The following BCAS3 variants were observed in gnomAD, a reference collection of about 807,000 sequenced individuals.
The protein encoded by BCAS3 is BCAS3 microtubule associated cell migration factor.
BCAS3 carries 53 observed loss-of-function variants against 116.1 expected under a neutral mutation model. The ratio of observed to expected loss-of-function variants is 0.46; its 90% confidence interval spans 0.37 to 0.57. BCAS3 has a LOEUF of 0.57. Among genes scored for constraint, BCAS3 ranks in the 20% least tolerant of loss-of-function variants. The pLI is 0.00. For synonymous variants in BCAS3, 391 were observed against 408.2 expected (o/e 0.96, Z 0.51); for missense variants, 917 against 1,165.4 (o/e 0.79, Z 3.10).
In BCAS3 at chr17:61,265,136, A is replaced by T. The variant is rs1453517347; in HGVS notation, c.2426-103191A>T. 6.6e-6 allele frequency among the ~76,000 whole-genome samples: 1 copy of T among 152,202 alleles called. No homozygotes were observed. Among genetic ancestry groups the T allele is most frequent in the Non-Finnish European group, 1.5e-5 (1 of 68,018 alleles). On this transcript the variant is annotated intron_variant, in intron 22 of 23. Coordinates refer to ENST00000407086, the MANE Select transcript of BCAS3 (RefSeq NM_017679.5). This position sits in a 1 kb window ranked among gnomAD's most constrained non-coding sequence, Gnocchi z 4.3. ...TATATAAGAAAGCACAATACCAGCC[A>T]GGCGCAATGGCTCATGTCTGTAATC...
At chr17:61,058,243 A>G (rs750440911) in intron 19 of BCAS3, among the ~76,000 whole-genome samples, 44 of 152,184 alleles carry the variant, frequency 2.9e-4, no homozygotes, top group Non-Finnish European at 4.1e-4. Context: ...TATTGTTGTC[A>G]TAGGATAGGA....
chr17:60,920,595 G>A (rs1349824136), intron 12 of BCAS3, among the ~76,000 whole-genome samples: 2 of 152,162 alleles, frequency 1.3e-5, no homozygotes, highest in Non-Finnish European at 1.5e-5. Context: ...AACTGGCTGG[G>A]CCTGGTGGCT....
In BCAS3 at chr17:61,377,622, AG is replaced by A. The variant is rs2059399247; in HGVS notation, c.2593+9129del. 6.6e-6 allele frequency among the ~76,000 whole-genome samples: 1 copy of A among 151,932 alleles called. No individual in the cohort carries two copies. The highest frequency in any genetic ancestry group is 2.4e-5 in the African/African-American group (1 of 41,324). On this transcript the variant is annotated intron_variant, in intron 23 of 23. Transcript: ENST00000407086. The surrounding 1 kb of genome is among the most constrained non-coding windows in gnomAD (Gnocchi z 4.6). ...TCTGTGACACAGTGTGGGGAGGAGG[AG>A]CTAGTAAATGTAGTAATCGTTGGCC...
intron 22 of BCAS3, among the ~76,000 whole-genome samples, chr17:61,170,948 G>A (rs962575169): frequency 1.3e-5 from 2 of 152,172 alleles, no homozygotes; most frequent in African/African-American, 4.8e-5. Flanking sequence ...AAGATCAGAG[G>A]GAACATTCGC....
chr17:60,769,688 T>C (rs993340770), intron 6 of BCAS3, among the ~76,000 whole-genome samples: 1 of 152,176 alleles, frequency 6.6e-6, no homozygotes, highest in Non-Finnish European at 1.5e-5. Context: ...CCTTGGCGTG[T>C]GTGAAGGTGC....
intron 12 of BCAS3, among the ~76,000 whole-genome samples, chr17:60,919,565 T>C (rs1191002894): frequency 2.0e-5 from 3 of 152,006 alleles, no homozygotes; most frequent in Non-Finnish European, 2.9e-5. Flanking sequence ...GCTCGTGATC[T>C]ACCCGCCTTG....
At chr17:61,111,807 A>T (rs943302748) in intron 22 of BCAS3, among the ~76,000 whole-genome samples, 1 of 116,012 alleles carries the variant, frequency 8.6e-6, no homozygotes, top group Non-Finnish European at 1.8e-5. Flanking sequence ...AGTTGAAATG[A>T]AGGAAAAAAT....
At chr17:60,843,102 AT>A (rs72215944) in intron 7 of BCAS3, among the ~76,000 whole-genome samples, 1 of 150,496 alleles carries the variant, frequency 6.6e-6, no homozygotes, top group African/African-American at 2.4e-5. Context: ...TTTATTTTTT[AT>A]TTTTTTGTTA....
intron 22 of BCAS3, among the ~76,000 whole-genome samples, chr17:61,176,070 GGA>G (rs2079112674): frequency 6.7e-6 from 1 of 148,768 alleles, no homozygotes; most frequent in African/African-American, 2.5e-5. Context: ...GCCTAGGAGG[GGA>G]AGGCTGCAGT....
chr17:61,043,663 C>A (rs2067735407), intron 19 of BCAS3, among the ~76,000 whole-genome samples: 1 of 151,928 alleles, frequency 6.6e-6, no homozygotes, highest in Non-Finnish European at 1.5e-5. Flanking sequence ...TAAATACGGG[C>A]CTGTGTGTGC....
At chr17:61,353,472 T>C (rs1282687939) in intron 22 of BCAS3, 1 of 152,322 alleles carries the variant, frequency 6.6e-6, no homozygotes. Context: ...AGCGAAGGTA[T>C]TGAGTGCAAA....
chr17:61,189,573 C>T lies in BCAS3; in HGVS notation c.2425+105009C>T, dbSNP rs2079978720. 6.6e-6 allele frequency among the ~76,000 whole-genome samples: 1 copy of T among 152,124 alleles called. No individual in the cohort carries two copies. Among genetic ancestry groups the T allele is most frequent in the Non-Finnish European group, 1.5e-5 (1 of 68,026 alleles). On this transcript the variant is annotated intron_variant, in intron 22 of 23. Coordinates refer to ENST00000407086, the MANE Select transcript of BCAS3 (RefSeq NM_017679.5). This position sits in a 1 kb window ranked among gnomAD's most constrained non-coding sequence, Gnocchi z 4.5. Reference sequence around the variant, plus strand: ...AATGAAGTCAGGGAGACCACTTAAACTGTTGACCTGACACCTAGGGCAGGG... The same window carrying T: ...AATGAAGTCAGGGAGACCACTTAAATTGTTGACCTGACACCTAGGGCAGGG...
rs982888121 is a variant in BCAS3 at position 61,189,476 on chromosome 17, T to C, written c.2425+104912T>C. On this transcript the variant is annotated intron_variant, in intron 22 of 23. Coordinates refer to ENST00000407086, the MANE Select transcript of BCAS3 (RefSeq NM_017679.5). This position sits in a 1 kb window ranked among gnomAD's most constrained non-coding sequence, Gnocchi z 4.5. Reference sequence around the variant, plus strand: ...AGAAGGGTCTTAGGCAGAAGAGGAGTGACAGCGTCAGACTTGCATTTTAAA... The same window carrying C: ...AGAAGGGTCTTAGGCAGAAGAGGAGCGACAGCGTCAGACTTGCATTTTAAA... Among the ~76,000 whole-genome samples, 1 of 152,054 alleles carries C rather than the reference T, an allele frequency of 6.6e-6. No individual in the cohort carries two copies. Among genetic ancestry groups the C allele is most frequent in the Non-Finnish European group, 1.5e-5 (1 of 67,998 alleles).
At chr17:61,331,998 C>G (rs1027715540) in intron 22 of BCAS3, among the ~76,000 whole-genome samples, 2 of 152,172 alleles carry the variant, frequency 1.3e-5, no homozygotes, top group African/African-American at 4.8e-5. Context: ...CTGTGCTGGT[C>G]TGTCTCTTTT....
intron 14 of BCAS3, among the ~76,000 whole-genome samples, chr17:60,971,485 G>T (rs561525066): frequency 5.3e-5 from 8 of 152,260 alleles, no homozygotes; most frequent in African/African-American, 1.9e-4. Flanking sequence ...TAAAGCTGGG[G>T]TGATGGCTTT....
chr17:60,747,937 A>G (rs2042141712), intron 6 of BCAS3, among the ~76,000 whole-genome samples: 2 of 151,612 alleles, frequency 1.3e-5, no homozygotes, highest in Non-Finnish European at 2.9e-5. Context: ...TTAGATGGCT[A>G]AATAACGCCT....
chr17:61,378,667 T>TCA lies in BCAS3; in HGVS notation c.2593+10174_2593+10175dup, dbSNP rs1476738591. On this transcript the variant is annotated intron_variant, in intron 23 of 23. Coordinates refer to ENST00000407086, the MANE Select transcript of BCAS3 (RefSeq NM_017679.5). This position sits in a 1 kb window ranked among gnomAD's most constrained non-coding sequence, Gnocchi z 5.8. The stretch of plus-strand genomic sequence containing the variant: ...ACTGGAAGGAGAGCCAGGCTGAGCC[T>TCA]CAGTTAATGTTTGTTGAGTGACTGG... 1 of 152,186 alleles carries TCA rather than the reference T, an allele frequency of 6.6e-6. No individual in the cohort carries two copies. 9.4% of individuals were successfully genotyped at this position (152,186 alleles called of 1,614,324 possible).
chr17:61,301,312 A>T lies in BCAS3; in HGVS notation c.2426-67015A>T, dbSNP rs367802686. Reference sequence around the variant, plus strand: ...AAAACGTTTCCCAATCCCTGGTGTAAATTGCAACAGTAGTAATGTGCAATG... The same window carrying T: ...AAAACGTTTCCCAATCCCTGGTGTATATTGCAACAGTAGTAATGTGCAATG... On this transcript the variant is annotated intron_variant, in intron 22 of 23. Transcript: ENST00000407086. 7.9e-5 allele frequency among the ~76,000 whole-genome samples: 12 copies of T among 152,294 alleles called. No individual in the cohort carries two copies. In the East Asian group the frequency reaches 1.9e-3, roughly 24 times the overall value.
In BCAS3 at chr17:60,784,352, G is replaced by T. The variant is rs901824879; in HGVS notation, c.404-23652G>T. Among the ~76,000 whole-genome samples the T allele has an allele frequency of 1.6e-4, 24 of 148,530 alleles. No homozygotes were observed. In the East Asian group the frequency reaches 4.7e-3, roughly 29 times the overall value. On this transcript the variant is annotated intron_variant, in intron 6 of 23. Coordinates refer to ENST00000407086, the MANE Select transcript of BCAS3 (RefSeq NM_017679.5). The stretch of plus-strand genomic sequence containing the variant: ...GAGTCTCACTCTGTCGCCCAGGAGG[G>T]CAGTGACACAATCTCGGCTCACTGG...
Sources: allele counts gnomAD v4.1 joint callset (sites outside exome capture counted in the v4.1 genomes callset), GRCh38; gene constraint gnomAD v4.1.1; non-coding constraint Gnocchi (gnomAD v3.1); transcripts MANE v1.5; gene names NCBI Gene and HGNC (gene_info 2026-07-23, HGNC 2026-07-21).